CD96: variants seen among roughly 807,000 people sequenced by gnomAD.
CD96 encodes CD96 molecule.
CD96 carries 70 observed loss-of-function variants against 71.3 expected under a neutral mutation model. The ratio of observed to expected loss-of-function variants is 0.98; its 90% confidence interval spans 0.81 to 1.20. The LOEUF (loss-of-function observed/expected upper bound fraction) is 1.20. Ranked by LOEUF, CD96 falls within the 50% of genes most tolerant of loss-of-function variation. The pLI is 0.00. For synonymous variants in CD96, 248 were observed against 233.0 expected (o/e 1.06, Z -0.59); for missense variants, 742 against 677.5 (o/e 1.10, Z -1.06).
intron 8 of CD96, among the ~76,000 whole-genome samples, chr3:111,614,245 A>G (rs1938107734): frequency 6.6e-6 from 1 of 152,146 alleles, no homozygotes; most frequent in African/African-American, 2.4e-5. Context: ...TAGGGAAGAG[A>G]CAGGGAATGT....
rs542080975 is a variant in CD96 at position 111,638,242 on chromosome 3, T to C, written c.1477+74T>C. 2.1e-5 allele frequency: 19 copies of C among 926,058 alleles called. 1 individual carries two copies. In the South Asian group the frequency reaches 2.3e-4, roughly 11 times the overall value. 57.4% of individuals were successfully genotyped at this position (926,058 alleles called of 1,614,324 possible). A position where few individuals can be genotyped will look rare whatever the true frequency, so the allele number is the denominator to read the frequency against. ...TAAATATTTATCAAGTACCTGCCAT[T>C]TGCCAGGCATTATGCCAGTTGTTGG... On this transcript the variant is annotated intron_variant, in intron 12 of 13. Coordinates refer to ENST00000352690, the MANE Select transcript of CD96 (RefSeq NM_005816.5).
At chr3:111,555,278 A>G (rs1292752463) in intron 2 of CD96, among the ~76,000 whole-genome samples, 2 of 152,278 alleles carry the variant, frequency 1.3e-5, no homozygotes, top group Non-Finnish European at 2.9e-5. Flanking sequence ...TGAAGACTAC[A>G]TATATAATTT....
At chr3:111,593,857 ATG>A in intron 5 of CD96, 1 of 1,613,882 alleles carries the variant, frequency 6.2e-7, no homozygotes, top group East Asian at 2.2e-5. Flanking sequence ...CAGCCTGACC[ATG>A]GCCACTCTTC....
intron 7 of CD96, among the ~76,000 whole-genome samples, chr3:111,605,372 T>A (rs1183518430): frequency 1.3e-5 from 2 of 152,138 alleles, no homozygotes; most frequent in Non-Finnish European, 1.5e-5. Context: ...GAGAATATTG[T>A]GTTTCAGAAA....
At chr3:111,614,507 C>T (rs985078043) in intron 8 of CD96, among the ~76,000 whole-genome samples, 1 of 152,186 alleles carries the variant, frequency 6.6e-6, no homozygotes, top group African/African-American at 2.4e-5. Context: ...TCCCTTGGTG[C>T]AGGCCATGCC....
chr3:111,587,641 T>C (rs1161688921), intron 5 of CD96, among the ~76,000 whole-genome samples: 2 of 152,154 alleles, frequency 1.3e-5, no homozygotes, highest in Non-Finnish European at 1.5e-5. Flanking sequence ...CTAGGTGGGG[T>C]TCTCCATGAG....
chr3:111,647,899 G>A (rs968221052), intron 13 of CD96, among the ~76,000 whole-genome samples: 7 of 152,144 alleles, frequency 4.6e-5, no homozygotes, highest in South Asian at 2.1e-4. Flanking sequence ...TGTAACATTC[G>A]TCAGATAGAG....
chr3:111,589,312 G>A (rs545307544), intron 5 of CD96, among the ~76,000 whole-genome samples: 6 of 151,962 alleles, frequency 3.9e-5, no homozygotes, highest in Non-Finnish European at 7.4e-5. Flanking sequence ...AGGTAATATG[G>A]GCTCAATCCA....
intron 2 of CD96, among the ~76,000 whole-genome samples, chr3:111,555,948 T>C (rs973487923): frequency 6.6e-6 from 1 of 152,308 alleles, no homozygotes; most frequent in South Asian, 2.1e-4. Flanking sequence ...GCTGTTTTCA[T>C]TTCTTTCAAT....
At chr3:111,606,475 A>G (rs1044912654) in intron 7 of CD96, among the ~76,000 whole-genome samples, 1 of 152,148 alleles carries the variant, frequency 6.6e-6, no homozygotes, top group Non-Finnish European at 1.5e-5. Context: ...ATGGTACTCA[A>G]CACAATGCTT....
chr3:111,614,729 C>T (rs895837003), intron 8 of CD96, among the ~76,000 whole-genome samples: 4 of 152,188 alleles, frequency 2.6e-5, no homozygotes, highest in Admixed American at 2.0e-4. Flanking sequence ...TTCTCCATGC[C>T]CATTCAGAGC....
At chr3:111,638,037 A>G in intron 11 of CD96, 42 bp from the exon 12 acceptor site, 1 of 1,048,686 alleles carries the variant, frequency 9.5e-7, no homozygotes, top group Non-Finnish European at 1.5e-6. Flanking sequence ...CCACTTGATC[A>G]AGTTGAGATG....
At chr3:111,640,206 G>A (rs956968719) in intron 12 of CD96, among the ~76,000 whole-genome samples, 26 of 152,166 alleles carry the variant, frequency 1.7e-4, no homozygotes, top group East Asian at 1.4e-3. Flanking sequence ...AGAGAAAGGC[G>A]AAGCCCAATC....
intron 2 of CD96, among the ~76,000 whole-genome samples, chr3:111,550,216 AG>A (rs1934626566): frequency 6.6e-6 from 1 of 152,166 alleles, no homozygotes; most frequent in South Asian, 2.1e-4. Context: ...TAAAACATGA[AG>A]TTTTTTTTAT....
chr3:111,594,355 A>T, intron 5 of CD96: 1 of 892,822 alleles, frequency 1.1e-6, no homozygotes, highest in Middle Eastern at 2.7e-4. Flanking sequence ...GGGTGGTGTG[A>T]GGTTTCTTCC....
intron 8 of CD96, among the ~76,000 whole-genome samples, chr3:111,607,606 A>C (rs1937682853): frequency 6.6e-6 from 1 of 152,210 alleles, no homozygotes; most frequent in Admixed American, 6.5e-5. Context: ...TAAAACTATC[A>C]ATTTTAGCTC....
intron 3 of CD96, chr3:111,570,524 G>A (rs1230105492): frequency 1.4e-5 from 14 of 976,214 alleles, no homozygotes; most frequent in East Asian, 1.1e-4. Context: ...CAAATGGGAC[G>A]CATGTGTGTT....
rs908340586 is a variant in CD96 at position 111,650,025 on chromosome 3, A to G, written c.*219A>G. ...AGAGGATATGTCATGTTCACACTCA[A>G]TGCAATTCGTAGTGGTTTTCTTGCT... On this transcript the variant is annotated 3_prime_UTR_variant, in exon 14 of 14. Transcript: ENST00000352690. 7 of 561,204 alleles carry G rather than the reference A, an allele frequency of 1.2e-5. No individual in the cohort carries two copies. The highest frequency in any genetic ancestry group is 2.0e-5 in the South Asian group (1 of 51,128). 34.8% of individuals were successfully genotyped at this position (561,204 alleles called of 1,614,324 possible). A position where few individuals can be genotyped will look rare whatever the true frequency, so the allele number is the denominator to read the frequency against.
At chr3:111,638,245 C>G in intron 12 of CD96, 77 bp downstream of exon 12, 1 of 920,950 alleles carries the variant, frequency 1.1e-6, no homozygotes, top group Non-Finnish European at 1.8e-6. Context: ...CTGCCATTTG[C>G]CAGGCATTAT....
Sources: allele counts gnomAD v4.1 joint callset (sites outside exome capture counted in the v4.1 genomes callset), GRCh38; gene constraint gnomAD v4.1.1; transcripts MANE v1.5; gene names NCBI Gene and HGNC (gene_info 2026-07-23, HGNC 2026-07-21).